Variants in OXCT1 observed in about 807,000 individuals in gnomAD.
OXCT1 encodes the protein 3-oxoacid CoA-transferase 1.
A neutral mutation model predicts 69.6 loss-of-function variants in OXCT1; 27 were observed. The observed-to-expected ratio is 0.39, with a 90% CI of 0.29 to 0.54. The LOEUF (loss-of-function observed/expected upper bound fraction) is 0.54, where lower values mean the gene tolerates loss of function less well. Among genes scored for constraint, OXCT1 ranks in the 20% least tolerant of loss-of-function variants. The pLI is 0.72. For missense variants in OXCT1, 437 were observed against 650.2 expected (o/e 0.67, Z 3.57); for synonymous variants, 202 against 217.8 (o/e 0.93, Z 0.64).
chr5:41,764,757 A>G (rs1011048728), intron 13 of OXCT1, among the ~76,000 whole-genome samples: 2 of 152,156 alleles, frequency 1.3e-5, no homozygotes, highest in African/African-American at 4.8e-5. Context: ...CAAAGGTATA[A>G]CACTGAGGAT....
intron 15 of OXCT1, among the ~76,000 whole-genome samples, chr5:41,741,044 G>A (rs1217462139): frequency 1.3e-5 from 2 of 151,474 alleles, no homozygotes; most frequent in African/African-American, 4.9e-5. Flanking sequence ...TCTGCCTCCA[G>A]GGTTCAAGTG....
chr5:41,818,792 AG>A (rs1561101815), intron 7 of OXCT1, among the ~76,000 whole-genome samples: 3 of 152,200 alleles, frequency 2.0e-5, no homozygotes, highest in Admixed American at 2.0e-4. Context: ...AATTAACAAA[AG>A]GGGTCAATGA....
chr5:41,745,742 C>T (rs1743451509), intron 15 of OXCT1, among the ~76,000 whole-genome samples: 1 of 152,144 alleles, frequency 6.6e-6, no homozygotes, highest in Non-Finnish European at 1.5e-5. Flanking sequence ...CACAGAAATA[C>T]AAACTACCAT....
At chr5:41,756,171 G>A (rs1197014369) in intron 14 of OXCT1, among the ~76,000 whole-genome samples, 1 of 152,016 alleles carries the variant, frequency 6.6e-6, no homozygotes, top group Non-Finnish European at 1.5e-5. Context: ...ATCTAAACCT[G>A]TTTTAGTAAT....
Position 41,845,489 on chromosome 5 carries a change from G to C in OXCT1, c.565-2708C>G, listed in dbSNP as rs148140410. Among the ~76,000 whole-genome samples, 1,476 of 152,090 alleles carry C rather than the reference G, an allele frequency of 9.7e-3. 20 individuals are homozygous for C. Among genetic ancestry groups the C allele is most frequent in the South Asian group, 0.016 (75 of 4,822 alleles). ...CTAGATCATTTTACCACAGTGCTTAGACCAGGGTTTGGCAAAGAGTAGGAC... is the reference window on the plus strand; with the variant it reads ...CTAGATCATTTTACCACAGTGCTTACACCAGGGTTTGGCAAAGAGTAGGAC... On this transcript the variant is annotated intron_variant, in intron 5 of 16. Coordinates refer to ENST00000196371, the MANE Select transcript of OXCT1 (RefSeq NM_000436.4).
chr5:41,838,406 G>C (rs1390111002), intron 7 of OXCT1, among the ~76,000 whole-genome samples: 1 of 152,156 alleles, frequency 6.6e-6, no homozygotes, highest in African/African-American at 2.4e-5. Context: ...ACAGGTGTCA[G>C]GGGTAGGCTT....
chr5:41,800,942 G>T, intron 11 of OXCT1, 80 bp downstream of exon 11: 1 of 1,237,036 alleles, frequency 8.1e-7, no homozygotes, highest in Non-Finnish European at 1.2e-6. Context: ...TCCAGGAAAA[G>T]ACAAAGAATT....
intron 11 of OXCT1, among the ~76,000 whole-genome samples, chr5:41,795,770 T>C (rs1428217600): frequency 6.6e-6 from 1 of 152,066 alleles, no homozygotes; most frequent in Non-Finnish European, 1.5e-5. Context: ...GATGTGATAA[T>C]TAATGATTGT....
At chr5:41,835,422 TAAATAA>T (rs1333560827) in intron 7 of OXCT1, among the ~76,000 whole-genome samples, 1 of 152,248 alleles carries the variant, frequency 6.6e-6, no homozygotes, top group Non-Finnish European at 1.5e-5. Flanking sequence ...CTGGCTCTTA[TAAATAA>T]GTCTTAGAAT....
chr5:41,807,805 A>G (rs1264947925), intron 7 of OXCT1, among the ~76,000 whole-genome samples: 2 of 152,044 alleles, frequency 1.3e-5, no homozygotes, highest in Non-Finnish European at 2.9e-5. Flanking sequence ...TTAAACACAG[A>G]TTTTCTAAAT....
intron 13 of OXCT1, among the ~76,000 whole-genome samples, chr5:41,789,052 A>G (rs902645982): frequency 1.3e-5 from 2 of 152,250 alleles, no homozygotes. Flanking sequence ...AAGATTAGAA[A>G]GTATTTTGAA....
intron 7 of OXCT1, among the ~76,000 whole-genome samples, chr5:41,828,601 C>T (rs955614941): frequency 2.0e-5 from 3 of 152,134 alleles, no homozygotes; most frequent in Non-Finnish European, 4.4e-5. Flanking sequence ...CAGCTGGATA[C>T]ACAAATTTTT....
rs141827912 is a variant in OXCT1 at position 41,741,985 on chromosome 5, T to A, written c.1420-2494A>T. On this transcript the variant is annotated intron_variant, in intron 15 of 16. Transcript: ENST00000196371. Reference sequence around the variant, plus strand: ...ACTATTCATATGATTTGCTTTTTCTTGCATTCTGAACAACTGTCAATTTAT... The same window carrying A: ...ACTATTCATATGATTTGCTTTTTCTAGCATTCTGAACAACTGTCAATTTAT... Among the ~76,000 whole-genome samples the A allele has an allele frequency of 9.2e-4, 140 of 152,292 alleles. 1 individual carries two copies. In the East Asian group the frequency reaches 0.024, roughly 26 times the overall value.
chr5:41,847,492 G>A (rs1290729792), intron 5 of OXCT1, among the ~76,000 whole-genome samples: 3 of 152,016 alleles, frequency 2.0e-5, no homozygotes, highest in Non-Finnish European at 2.9e-5. Flanking sequence ...GAGAATTTTA[G>A]ACCAATATCC....
At chr5:41,806,092 T>C (rs1467018497) in intron 8 of OXCT1, among the ~76,000 whole-genome samples, 2 of 152,082 alleles carry the variant, frequency 1.3e-5, no homozygotes, top group African/African-American at 4.8e-5. Context: ...CTGCTGCCAA[T>C]TGCCTGTTTC....
intron 1 of OXCT1, among the ~76,000 whole-genome samples, chr5:41,863,833 A>G (rs1038599202): frequency 1.5e-4 from 23 of 152,230 alleles, no homozygotes; most frequent in Admixed American, 6.5e-4. Flanking sequence ...GTATTAAGAC[A>G]TGAGCACTGC....
In OXCT1 at chr5:41,734,287, T is replaced by C. The variant is rs1345219660; in HGVS notation, c.1522-2517A>G. Among the ~76,000 whole-genome samples, 6 of 152,336 alleles carry C rather than the reference T, an allele frequency of 3.9e-5. No homozygotes were observed. In the South Asian group the frequency reaches 8.3e-4, roughly 21 times the overall value. On this transcript the variant is annotated intron_variant, in intron 16 of 16. Transcript: ENST00000196371. ...TTTATTCTAACACATAATGTTTAAA[T>C]ATGGAATACATTTTTAATTTTTTAA...
At chr5:41,748,443 C>T (rs976346881) in intron 15 of OXCT1, among the ~76,000 whole-genome samples, 2 of 151,994 alleles carry the variant, frequency 1.3e-5, no homozygotes, top group Non-Finnish European at 2.9e-5. Flanking sequence ...TAAAAGATTG[C>T]TTTGCTTTTA....
At chr5:41,826,319 T>C (rs1187258057) in intron 7 of OXCT1, among the ~76,000 whole-genome samples, 1 of 152,192 alleles carries the variant, frequency 6.6e-6, no homozygotes, top group African/African-American at 2.4e-5. Flanking sequence ...ATAAAGAACT[T>C]TGGAAGACAG....
Sources: gnomAD v4.1 joint callset for allele counts (sites outside exome capture counted in the v4.1 genomes callset) on GRCh38, gnomAD v4.1.1 for gene constraint, MANE v1.5 for transcripts, NCBI Gene and HGNC (gene_info 2026-07-23, HGNC 2026-07-21) for gene names.